The following MAL variants were observed in gnomAD, a reference collection of about 807,000 sequenced individuals.
MAL encodes the protein myelin and lymphocyte protein.
A neutral mutation model predicts 16.7 loss-of-function variants in MAL; 5 were observed. The observed-to-expected ratio is 0.30, with a 90% confidence interval of 0.16 to 0.63. MAL has a LOEUF of 0.63. Among genes scored for constraint, MAL ranks in the 30% least tolerant of loss-of-function variants. MAL has a pLI of 0.82. For missense variants in MAL, 202 were observed against 195.8 expected, an observed-to-expected ratio of 1.03 and a Z score of -0.19; for synonymous variants, 96 against 85.5, an observed-to-expected ratio of 1.12 and a Z score of -0.67.
intron 1 of MAL, among the ~76,000 whole-genome samples, chr2:95,031,405 A>T (rs1182858150): frequency 6.6e-6 from 1 of 152,220 alleles, no homozygotes; most frequent in Non-Finnish European, 1.5e-5. Flanking sequence ...CACACCCTGC[A>T]GGTTCTGAGT....
intron 1 of MAL, among the ~76,000 whole-genome samples, chr2:95,034,383 C>A (rs938321357): frequency 2.0e-5 from 3 of 152,204 alleles, no homozygotes; most frequent in Non-Finnish European, 4.4e-5. Context: ...GCTTTCTAAG[C>A]CTCTCTGCAT....
chr2:95,049,602 G>A lies in MAL; in HGVS notation c.283G>A (p.Ala95Thr), dbSNP rs11553832. Residue 95 changes from alanine to threonine, a missense_variant, in exon 3 of 4, where the codon GCT (alanine) becomes ACT (threonine). Transcript: ENST00000309988. The stretch of plus-strand genomic sequence containing the variant: ...ATAGGACGCAGCCTACCACTGCACC[G>A]CTGCCCTCTTTTACCTCAGCGCCTC... Reference protein sequence around the residue: ...VTLDAAYHCTAALFYLSASVL... With the variant: ...VTLDAAYHCTTALFYLSASVL... The A allele has an allele frequency of 9.9e-6, 16 of 1,614,176 alleles. No individual in the cohort carries two copies. Among genetic ancestry groups the A allele is most frequent in the East Asian group, 2.2e-5 (1 of 44,872 alleles).
At position 95,048,039 on chromosome 2, in the gene MAL, G is replaced by A; in HGVS notation, c.174G>A (p.Val58=). 6.2e-6 allele frequency: 10 copies of A among 1,614,022 alleles called. No homozygotes were observed. The highest frequency in any genetic ancestry group is 8.5e-6 in the Non-Finnish European group (10 of 1,179,950). The stretch of plus-strand genomic sequence containing the variant: ...TGGTCCAGGGCTGGGTGATGTTCGT[G>A]TCTGTGTTCTGCTTCGTGGCCACCA... ...WPLVQGWVMF[V]SVFCFVATTT... The change falls in exon 2 of 4, where the codon GTG becomes GTA. Residue 58 remains valine (V), a synonymous_variant. Coordinates refer to ENST00000309988, the MANE Select transcript of MAL (RefSeq NM_002371.4).
chr2:95,029,705 G>A (rs1674029834), intron 1 of MAL, among the ~76,000 whole-genome samples: 1 of 152,116 alleles, frequency 6.6e-6, no homozygotes, highest in African/African-American at 2.4e-5. Flanking sequence ...ACACACCCCA[G>A]GAGCAGATTT....
chr2:95,028,359 TAGAA>T (rs774662435), intron 1 of MAL, among the ~76,000 whole-genome samples: 15 of 151,832 alleles, frequency 9.9e-5, no homozygotes, highest in East Asian at 1.9e-4. Flanking sequence ...ATTAAATAAA[TAGAA>T]AGAAAGAAAT....
At chr2:95,038,467 G>GGTGAGTGAGTGAGTGAGTGA (rs1458579604) in intron 1 of MAL, among the ~76,000 whole-genome samples, 1 of 52,568 alleles carries the variant, frequency 1.9e-5, no homozygotes, top group Non-Finnish European at 4.0e-5. Flanking sequence ...TGACTGAGTG[G>GGTGAGTGAGTGAGTGAGTGA]GTGAGTGAGT....
intron 1 of MAL, among the ~76,000 whole-genome samples, chr2:95,027,376 G>A (rs1047865692): frequency 1.3e-5 from 2 of 152,158 alleles, no homozygotes; most frequent in African/African-American, 4.8e-5. Flanking sequence ...TGCCGGTAGC[G>A]GGGCTTCCAG....
intron 1 of MAL, among the ~76,000 whole-genome samples, chr2:95,042,315 A>G (rs1481895285): frequency 2.0e-5 from 3 of 152,220 alleles, no homozygotes; most frequent in Admixed American, 6.5e-5. Flanking sequence ...TGTTACGGCA[A>G]CACATCACGA....
At chr2:95,043,045 C>T (rs1312502196) in intron 1 of MAL, among the ~76,000 whole-genome samples, 1 of 152,262 alleles carries the variant, frequency 6.6e-6, no homozygotes, top group African/African-American at 2.4e-5. Context: ...TCTGCTACTC[C>T]TTGACCCAAG....
intron 1 of MAL, among the ~76,000 whole-genome samples, chr2:95,026,994 A>G (rs1049346268): frequency 1.3e-4 from 20 of 152,146 alleles, no homozygotes; most frequent in African/African-American, 4.8e-4. Context: ...GCGGCCTGGG[A>G]GCAGGGCTAC....
intron 1 of MAL, among the ~76,000 whole-genome samples, chr2:95,038,778 G>A (rs1274548463): frequency 6.6e-6 from 1 of 150,450 alleles, no homozygotes; most frequent in Non-Finnish European, 1.5e-5. Flanking sequence ...CTGAGTGAGT[G>A]AGCAAGTGAG....
At chr2:95,039,106 A>G (rs7601411) in intron 1 of MAL, among the ~76,000 whole-genome samples, 140,686 of 143,198 alleles carry the variant, frequency 0.98, 69,140 homozygotes, top group East Asian at 0.99. Context: ...GTGAGTGAGT[A>G]AGTGTCTGAG....
intron 3 of MAL, chr2:95,053,070 T>G: frequency 3.4e-6 from 1 of 297,134 alleles, no homozygotes. Flanking sequence ...ATTGGAGGGG[T>G]CTTTGAGGAC....
intron 1 of MAL, among the ~76,000 whole-genome samples, chr2:95,029,732 T>TAA (rs1203949052): frequency 1.3e-5 from 2 of 152,130 alleles, no homozygotes; most frequent in Admixed American, 1.3e-4. Flanking sequence ...AAGCTGATGT[T>TAA]TAATTAAGTT....
intron 1 of MAL, among the ~76,000 whole-genome samples, chr2:95,045,791 C>A (rs1674572926): frequency 6.6e-6 from 1 of 152,234 alleles, no homozygotes; most frequent in South Asian, 2.1e-4. Flanking sequence ...TACCAATGTG[C>A]TCCTGTCCCT....
intron 3 of MAL, among the ~76,000 whole-genome samples, chr2:95,050,642 G>A (rs1573302993): frequency 6.6e-6 from 1 of 152,268 alleles, no homozygotes; most frequent in Admixed American, 6.5e-5. Flanking sequence ...GGGCCCCAGG[G>A]GAAAATCCCT....
intron 1 of MAL, among the ~76,000 whole-genome samples, chr2:95,030,975 G>A (rs767817725): frequency 2.0e-5 from 3 of 152,186 alleles, no homozygotes; most frequent in African/African-American, 4.8e-5. Context: ...CGACAGAGCC[G>A]GGACTGGGCC....
At chr2:95,035,097 C>T (rs1674174208) in intron 1 of MAL, among the ~76,000 whole-genome samples, 1 of 152,204 alleles carries the variant, frequency 6.6e-6, no homozygotes, top group South Asian at 2.1e-4. Context: ...GGCTGCCAGT[C>T]CCCAAGAGAC....
chr2:95,038,576 CTGAG>C (rs1382390312), intron 1 of MAL, among the ~76,000 whole-genome samples: 4 of 52,536 alleles, frequency 7.6e-5, no homozygotes, highest in African/African-American at 2.3e-4. Context: ...GACTGAGTGA[CTGAG>C]TGAGTGACTG....
Sources: allele counts gnomAD v4.1 joint callset (sites outside exome capture counted in the v4.1 genomes callset), GRCh38; gene constraint gnomAD v4.1.1; transcripts MANE v1.5; gene names NCBI Gene and HGNC (gene_info 2026-07-23, HGNC 2026-07-21).